Variants in NYAP2 observed in about 807,000 individuals in gnomAD.
NYAP2 encodes the protein neuronal tyrosine-phosphorylated phosphoinositide-3-kinase adaptor 2, also known as neuronal tyrosine-phosphorylated phosphoinositide-3-kinase adapter 2.
NYAP2 carries 23 observed loss-of-function variants against 50.4 expected under a neutral mutation model. The ratio of observed to expected loss-of-function variants is 0.46; its 90% CI spans 0.33 to 0.65. NYAP2 has a LOEUF of 0.65. NYAP2 is among the 30% of genes least tolerant of loss of function. NYAP2 has a pLI of 0.02. For synonymous variants in NYAP2, 394 were observed against 365.2 expected (o/e 1.08, Z -0.90); for missense variants, 885 against 861.0 (o/e 1.03, Z -0.35).
chr2:225,430,027 A>C (rs1351858986), intron 3 of NYAP2, among the ~76,000 whole-genome samples: 1 of 152,146 alleles, frequency 6.6e-6, no homozygotes, highest in Non-Finnish European at 1.5e-5. Flanking sequence ...TAAACTCTGG[A>C]TTATTCTGAT....
intron 4 of NYAP2, among the ~76,000 whole-genome samples, chr2:225,529,924 G>C (rs1691224995): frequency 6.6e-6 from 1 of 151,188 alleles, no homozygotes; most frequent in Non-Finnish European, 1.5e-5. Context: ...GGCCAGGATG[G>C]TCTCGATCTT....
chr2:225,648,566 A>G (rs1345392997), intron 6 of NYAP2, among the ~76,000 whole-genome samples: 1 of 151,814 alleles, frequency 6.6e-6, no homozygotes, highest in African/African-American at 2.4e-5. Context: ...GCAAGGGGGA[A>G]AAAAAGCAAA....
intron 2 of NYAP2, among the ~76,000 whole-genome samples, chr2:225,407,419 A>G (rs1436269214): frequency 6.6e-6 from 1 of 152,006 alleles, no homozygotes; most frequent in Non-Finnish European, 1.5e-5. Context: ...AAACAACCTT[A>G]TCTAGACTCC....
intron 5 of NYAP2, among the ~76,000 whole-genome samples, chr2:225,592,968 T>G (rs185916950): frequency 7.2e-4 from 110 of 152,336 alleles, no homozygotes; most frequent in Admixed American, 3.7e-3. Context: ...TAAACCAAGA[T>G]TCCCTCAGTA....
intron 3 of NYAP2, among the ~76,000 whole-genome samples, chr2:225,470,975 T>C (rs1690005292): frequency 6.6e-6 from 1 of 152,118 alleles, no homozygotes; most frequent in Non-Finnish European, 1.5e-5. Flanking sequence ...TCTTTTTAGA[T>C]GGCAATGTAA....
intron 3 of NYAP2, among the ~76,000 whole-genome samples, chr2:225,413,457 G>A (rs2106122094): frequency 6.6e-6 from 1 of 152,258 alleles, no homozygotes; most frequent in Non-Finnish European, 1.5e-5. Flanking sequence ...TCATGGTAAT[G>A]TCCAAATTCA....
At chr2:225,528,853 C>T (rs1316848981) in intron 4 of NYAP2, among the ~76,000 whole-genome samples, 2 of 152,130 alleles carry the variant, frequency 1.3e-5, no homozygotes, top group African/African-American at 2.4e-5. Context: ...ATATGAGACT[C>T]GATGTTCCCA....
the NYAP2 span, among the ~76,000 whole-genome samples, chr2:225,673,834 T>C: frequency 1.4e-3 from 214 of 152,236 alleles, 1 homozygote; most frequent in African/African-American, 4.8e-3. Flanking sequence ...TATCCACTCT[T>C]CCCTGGCAGG....
chr2:225,433,734 G>A (rs1574612229), intron 3 of NYAP2, among the ~76,000 whole-genome samples: 1 of 147,438 alleles, frequency 6.8e-6, no homozygotes, highest in Admixed American at 7.0e-5. Context: ...GGAGAATGGC[G>A]TGAACCCGGG....
intron 5 of NYAP2, among the ~76,000 whole-genome samples, chr2:225,626,095 A>G (rs1693206526): frequency 6.6e-6 from 1 of 152,250 alleles, no homozygotes; most frequent in South Asian, 2.1e-4. Context: ...TTGGACAGAA[A>G]GAACCAGTAG....
At chr2:225,581,808 C>T (rs1692273819) in intron 4 of NYAP2, 133 bp from the exon 5 acceptor site, 1 of 840,754 alleles carries the variant, frequency 1.2e-6, no homozygotes. Context: ...GATTTTTACT[C>T]TGAAACTCAA....
At chr2:225,459,895 G>A (rs1020105810) in intron 3 of NYAP2, among the ~76,000 whole-genome samples, 7 of 151,982 alleles carry the variant, frequency 4.6e-5, no homozygotes, top group African/African-American at 9.7e-5. Context: ...GGATGGTCTC[G>A]ATCTCCTGAC....
chr2:225,509,319 C>A (rs1178437739), intron 3 of NYAP2, among the ~76,000 whole-genome samples: 1 of 152,228 alleles, frequency 6.6e-6, no homozygotes, highest in Non-Finnish European at 1.5e-5. Flanking sequence ...TTCACACATA[C>A]TTCTCTCTGC....
At chr2:225,443,812 T>G (rs1689509939) in intron 3 of NYAP2, among the ~76,000 whole-genome samples, 1 of 152,230 alleles carries the variant, frequency 6.6e-6, no homozygotes, top group Non-Finnish European at 1.5e-5. Context: ...CTCCTTTCCC[T>G]GTGGACTAGT....
intron 3 of NYAP2, among the ~76,000 whole-genome samples, chr2:225,422,572 G>A (rs926150150): frequency 2.6e-5 from 4 of 152,092 alleles, no homozygotes; most frequent in Non-Finnish European, 4.4e-5. Flanking sequence ...AATAGGCAAG[G>A]ACGCTGTGAA....
chr2:225,530,100 AT>A (rs950742870), intron 4 of NYAP2, among the ~76,000 whole-genome samples: 296 of 151,866 alleles, frequency 1.9e-3, no homozygotes, highest in Middle Eastern at 3.4e-3. Context: ...CTATAAAATT[AT>A]TTTTTTTTTA....
At chr2:225,497,586 A>G (rs1690530050) in intron 3 of NYAP2, among the ~76,000 whole-genome samples, 1 of 152,242 alleles carries the variant, frequency 6.6e-6, no homozygotes, top group Non-Finnish European at 1.5e-5. Flanking sequence ...CTTCATGAAT[A>G]AAACCTGACC....
chr2:225,666,040 C>T, the NYAP2 span, among the ~76,000 whole-genome samples: 2 of 151,916 alleles, frequency 1.3e-5, no homozygotes, highest in Non-Finnish European at 2.9e-5. Flanking sequence ...GCTCTGGCAA[C>T]CTTAGATGCC....
At chr2:225,694,534 T>C in the NYAP2 span, among the ~76,000 whole-genome samples, 30 of 152,002 alleles carry the variant, frequency 2.0e-4, no homozygotes, top group Admixed American at 9.2e-4. Flanking sequence ...AGTAGCAACA[T>C]TGGAGTTCGA....
Sources: allele counts gnomAD v4.1 joint callset (sites outside exome capture counted in the v4.1 genomes callset), GRCh38; gene constraint gnomAD v4.1.1; transcripts MANE v1.5; gene names NCBI Gene and HGNC (gene_info 2026-07-23, HGNC 2026-07-21).